Variants in NOC2L observed in about 807,000 individuals in gnomAD.
The protein encoded by NOC2L is NOC2 like nucleolar associated transcriptional repressor, also known as nucleolar complex protein 2 homolog.
In NOC2L, 101 loss-of-function variants were observed where a neutral mutation model predicts 94.2. That is an observed-to-expected ratio of 1.07 (90% CI 0.91 to 1.26). NOC2L has a LOEUF of 1.26. Among genes scored for constraint, NOC2L ranks in the 50% most tolerant of loss-of-function variants. The probability of loss-of-function intolerance (pLI) is 0.00; values close to 1 mark genes in which losing one functional copy is unlikely to be tolerated. For missense variants in NOC2L, 1,076 were observed against 980.1 expected, an observed-to-expected ratio of 1.10 and a Z score of -1.31; for synonymous variants, 531 against 413.4, an observed-to-expected ratio of 1.28 and a Z score of -3.45.
rs771621065 is a variant in NOC2L, at chr1:944,675, GC to G, written c.*18del. 5.3e-6 allele frequency: 8 copies of G among 1,522,778 alleles called. No homozygotes were observed. The highest frequency in any genetic ancestry group is 1.7e-5 in the Admixed American group (1 of 58,522). 94.3% of individuals were successfully genotyped at this position (1,522,778 alleles called of 1,614,324 possible). On this transcript the variant is annotated 3_prime_UTR_variant, in exon 19 of 19. Coordinates refer to ENST00000327044, the MANE Select transcript of NOC2L (RefSeq NM_015658.4). ...GCCACCAGCCCGGCAGCCCCTACAG[GC>G]CCCCCAGATGGGCTGCCTCAGTCGT...
rs1642448274 is a variant in NOC2L at position 957,610 on chromosome 1, A to G, written c.180-337T>C. The G allele has an allele frequency of 5.6e-5, 17 of 301,836 alleles. No homozygotes were observed. In the South Asian group the frequency reaches 7.8e-4, roughly 14 times the overall value. 18.7% of individuals were successfully genotyped at this position (301,836 alleles called of 1,614,324 possible). ...GGTGGCTTCACCCTTCCAGAGGCTC[A>G]GACTAAAGGCAAATCTCTGTCTCTA... On this transcript the variant is annotated intron_variant, in intron 2 of 18. Coordinates refer to ENST00000327044, the MANE Select transcript of NOC2L (RefSeq NM_015658.4).
Position 944,675 on chromosome 1 carries a change from G to GC in NOC2L, c.*18dup, listed in dbSNP as rs771621065. On this transcript the variant is annotated 3_prime_UTR_variant, in exon 19 of 19. Coordinates refer to ENST00000327044, the MANE Select transcript of NOC2L (RefSeq NM_015658.4). ...GCCACCAGCCCGGCAGCCCCTACAG[G>GC]CCCCCCAGATGGGCTGCCTCAGTCG... 131 of 1,522,928 alleles carry GC rather than the reference G, an allele frequency of 8.6e-5. No homozygotes were observed. The highest frequency in any genetic ancestry group is 7.5e-4 in the East Asian group (33 of 43,970). The allele number at this position is 1,522,928 out of a possible 1,614,324, so 94.3% of individuals were successfully genotyped here.
intron 6 of NOC2L, among the ~76,000 whole-genome samples, chr1:954,757 G>GT (rs1237744171): frequency 2.6e-5 from 4 of 152,110 alleles, no homozygotes; most frequent in African/African-American, 9.6e-5. Context: ...AATCCAGAAG[G>GT]TACGTGTCGC....
rs201867500 is a variant in NOC2L, at chr1:946,242, G to A, written c.1848C>T (p.Thr616=). ...KLTREEGTPL[T]LYYSHWRKLR... ...GCTTGCGCCAGTGGCTGTAGTACAA[G>A]GTCAGGGGTGTCCCCTCTTCCCGGG... The change falls in exon 16 of 19, where the codon ACC becomes ACT. Residue 616 remains threonine (T), a synonymous_variant. Coordinates refer to ENST00000327044, the MANE Select transcript of NOC2L (RefSeq NM_015658.4). 4 of 1,613,886 alleles carry A rather than the reference G, an allele frequency of 2.5e-6. No individual in the cohort carries two copies. Among genetic ancestry groups the A allele is most frequent in the South Asian group, 2.2e-5 (2 of 91,082 alleles).
chr1:951,048 C>G, intron 12 of NOC2L, 79 bp downstream of exon 12: 1 of 1,159,054 alleles, frequency 8.6e-7, no homozygotes, highest in South Asian at 1.3e-5. Flanking sequence ...CCGGACAACT[C>G]AGCACAGACG....
At chr1:946,326 G>A in intron 15 of NOC2L, 40 bp from the exon 16 acceptor site, 2 of 1,611,536 alleles carry the variant, frequency 1.2e-6, no homozygotes, top group African/African-American at 1.3e-5. Flanking sequence ...CCTCACCCTG[G>A]GCAAACCCCC....
chr1:948,625 GCT>G (rs1286490216), intron 12 of NOC2L, 22 bp from the exon 13 acceptor site: 1 of 1,574,296 alleles, frequency 6.4e-7, no homozygotes, highest in Non-Finnish European at 8.7e-7. Context: ...GCCGTGTCAG[GCT>G]CTCTCGGCCC....
rs771553694 is a variant in NOC2L, at chr1:945,073, G to T, written c.2127C>A (p.Asp709Glu). 6.2e-7 allele frequency: 1 copy of T among 1,614,036 alleles called. No homozygotes were observed. The highest frequency in any genetic ancestry group is 8.5e-7 in the Non-Finnish European group (1 of 1,179,990). The stretch of plus-strand genomic sequence containing the variant: ...ACCATTCACCCTCCGAGTTGCTGCT[G>T]TCCTCCTCGCCCTCCTCCTCGTCCT... ...DEEDEEEGEE[D>E]SSNSEDGDPD... Residue 709 changes from aspartate (D) to glutamate (E), a missense_variant, in exon 18 of 19, where the codon GAC becomes GAA. Asp to Glu is a conservative substitution (Grantham distance 45). Transcript: ENST00000327044.
chr1:958,406 C>A, intron 2 of NOC2L: 1 of 323,422 alleles, frequency 3.1e-6, no homozygotes, highest in Non-Finnish European at 6.1e-6. Flanking sequence ...GTGCCCACCA[C>A]GCCCGGCTAA....
Position 945,114 on chromosome 1 carries a change from C to T in NOC2L, c.2086G>A (p.Val696Met). ...ILRPLSTRHG[V>M]EDDEEDEEEG... ...TCCTCGTCCTCTTCATCGTCTTCCA[C>T]CCCATGCCGAGTGCTCAGGGGCCTC... The change falls in exon 18 of 19, where the codon GTG (valine) becomes ATG (methionine). Residue 696 changes from valine (V) to methionine (M), a missense_variant. This residue lies in a region of NOC2L where 615 missense variants were observed against 577.4 expected (regional missense o/e 1.07). Transcript: ENST00000327044. 1 of 1,613,302 alleles carries T rather than the reference C, an allele frequency of 6.2e-7. No individual in the cohort carries two copies. Among genetic ancestry groups the T allele is most frequent in the South Asian group, 1.1e-5 (1 of 90,924 alleles).
chr1:955,413 A>G (rs1362987077), intron 6 of NOC2L, among the ~76,000 whole-genome samples: 2 of 152,142 alleles, frequency 1.3e-5, no homozygotes, highest in Non-Finnish European at 2.9e-5. Flanking sequence ...ATGCTCTACC[A>G]AATGCTTGGC....
At chr1:955,125 C>T (rs1642366147) in intron 6 of NOC2L, among the ~76,000 whole-genome samples, 1 of 152,258 alleles carries the variant, frequency 6.6e-6, no homozygotes, top group Non-Finnish European at 1.5e-5. Flanking sequence ...GCAGTGCGTG[C>T]TGCCTCCCAA....
chr1:945,798 C>G, intron 16 of NOC2L, 145 bp from the exon 17 acceptor site: 3 of 1,027,462 alleles, frequency 2.9e-6, no homozygotes, highest in Non-Finnish European at 4.3e-6. Context: ...AAGCCATCCT[C>G]CAAGTTGTCC....
chr1:958,371 G>A, intron 2 of NOC2L: 2 of 272,304 alleles, frequency 7.3e-6, no homozygotes, highest in Admixed American at 4.9e-5. Context: ...TCCTGCCTCA[G>A]CCTCCCGAGT....
At chr1:945,682 G>C in intron 16 of NOC2L, 29 bp from the exon 17 acceptor site, 4 of 1,614,090 alleles carry the variant, frequency 2.5e-6, no homozygotes, top group Non-Finnish European at 3.4e-6. Flanking sequence ...AGGGGCTCAG[G>C]TGAGAGAGGG....
In NOC2L at chr1:951,291, CCCT is replaced by C. The variant is rs1642254666; in HGVS notation, c.1332-56_1332-54del. 3 of 1,358,660 alleles carry C rather than the reference CCCT, an allele frequency of 2.2e-6. No homozygotes were observed. In the African/African-American group the frequency reaches 4.3e-5, roughly 20 times the overall value. The allele number at this position is 1,358,660 out of a possible 1,614,324, so 84.2% of individuals were successfully genotyped here. A position where few individuals can be genotyped will look rare whatever the true frequency, so the allele number is the denominator to read the frequency against. On this transcript the variant is annotated intron_variant, in intron 11 of 18. Coordinates refer to ENST00000327044, the MANE Select transcript of NOC2L (RefSeq NM_015658.4). ...AGGCCCCGGCTCTGGCAGCCCCTGC[CCCT>C]CCCCCTGCTGTCTTGGACCTCCTCC...
chr1:950,621 G>A (rs893630642), intron 12 of NOC2L, among the ~76,000 whole-genome samples: 2 of 151,978 alleles, frequency 1.3e-5, no homozygotes, highest in East Asian at 1.9e-4. Flanking sequence ...ATGGATACAC[G>A]TGCATACACA....
At chr1:944,853 G>GC in intron 18 of NOC2L, 53 bp from the exon 19 acceptor site, 1 of 1,373,540 alleles carries the variant, frequency 7.3e-7, no homozygotes, top group South Asian at 1.3e-5. Flanking sequence ...GAAGAAGCCA[G>GC]CCTTAGAGGT....
In NOC2L at chr1:956,175, G is replaced by C; in HGVS notation, c.527C>G (p.Ala176Gly). The C allele has an allele frequency of 1.2e-6, 2 of 1,613,876 alleles. No homozygotes were observed. The highest frequency in any genetic ancestry group is 1.7e-6 in the Non-Finnish European group (2 of 1,180,018). Reference protein sequence around the residue: ...TPKLFHEVVQAFRAAVATTRG... With the variant: ...TPKLFHEVVQGFRAAVATTRG... Reference sequence around the variant, plus strand: ...GGTGGTGGCCACAGCTGCTCGGAACGCCTGTACCACTTCATGGAACAGCTT... The same window carrying C: ...GGTGGTGGCCACAGCTGCTCGGAACCCCTGTACCACTTCATGGAACAGCTT... The change falls in exon 5 of 19, where the codon GCG (alanine) becomes GGG (glycine). Residue 176 changes from alanine (A) to glycine (G), a missense_variant. By Grantham distance (60) the Ala-to-Gly change is moderately conservative (BLOSUM62 0). Around this residue, in one of 3 missense-constraint regions of NOC2L, gnomAD observed 457 missense variants for 386.0 expected, o/e 1.18. Transcript: ENST00000327044.
Sources: gnomAD v4.1 joint callset for allele counts (sites outside exome capture counted in the v4.1 genomes callset) on GRCh38, gnomAD v4.1.1 for gene constraint, gnomAD v4.1.1 regional missense constraint, MANE v1.5 for transcripts, NCBI Gene and HGNC (gene_info 2026-07-23, HGNC 2026-07-21) for gene names.